The following SLCO5A1 variants were observed in gnomAD, a reference collection of about 807,000 sequenced individuals.
The protein encoded by SLCO5A1 is solute carrier organic anion transporter family member 5A1, also known as organic anion transporter polypeptide-related protein 4.
Under a neutral mutation model 65.1 loss-of-function variants are expected in SLCO5A1, and 39 were observed. That is an observed-to-expected ratio of 0.60 (90% CI 0.46 to 0.78). SLCO5A1 has a LOEUF of 0.78. SLCO5A1 is among the 30% of genes least tolerant of loss of function. SLCO5A1 has a pLI of 0.00. For synonymous variants in SLCO5A1, 438 were observed against 415.7 expected (o/e 1.05, Z -0.65); for missense variants, 1,029 against 1,069.4 (o/e 0.96, Z 0.53).
chr8:69,818,962 T>C (rs1820520194), intron 2 of SLCO5A1, among the ~76,000 whole-genome samples: 1 of 152,198 alleles, frequency 6.6e-6, no homozygotes, highest in Non-Finnish European at 1.5e-5. Flanking sequence ...ATGTTAGTTT[T>C]CAGTGGAGAT....
intron 5 of SLCO5A1, among the ~76,000 whole-genome samples, chr8:69,714,310 G>A (rs1412561808): frequency 6.6e-6 from 1 of 152,232 alleles, no homozygotes; most frequent in Non-Finnish European, 1.5e-5. Flanking sequence ...AAACTTAAAG[G>A]AGGGGTAGCA....
At chr8:69,678,787 A>G (rs1218215735) in intron 8 of SLCO5A1, among the ~76,000 whole-genome samples, 5 of 136,646 alleles carry the variant, frequency 3.7e-5, no homozygotes, top group Non-Finnish European at 7.8e-5. Context: ...AAGAAAGCAC[A>G]GCCTGAAAAA....
rs546095943 is a variant in SLCO5A1 at position 69,758,377 on chromosome 8, A to G, written c.1041-2736T>C. Among the ~76,000 whole-genome samples, 5 of 152,036 alleles carry G rather than the reference A, an allele frequency of 3.3e-5. No individual in the cohort carries two copies. The South Asian group carries it at 1.0e-3, about 32-fold the overall frequency. ...GTTTTGTAGAGAAGTGGGGGGTCTCACTATGTTGCCCAGGTTGGTCTTGAA... is the reference window on the plus strand; with the variant it reads ...GTTTTGTAGAGAAGTGGGGGGTCTCGCTATGTTGCCCAGGTTGGTCTTGAA... On this transcript the variant is annotated intron_variant, in intron 3 of 9. Transcript: ENST00000260126.
chr8:69,733,187 A>T (rs1185382509), intron 5 of SLCO5A1, among the ~76,000 whole-genome samples: 1 of 152,136 alleles, frequency 6.6e-6, no homozygotes, highest in East Asian at 1.9e-4. Context: ...TTATTCTCAG[A>T]CCTATTCAAA....
chr8:69,763,945 A>G (rs1180172482), intron 2 of SLCO5A1, among the ~76,000 whole-genome samples: 1 of 151,914 alleles, frequency 6.6e-6, no homozygotes, highest in Non-Finnish European at 1.5e-5. Flanking sequence ...GCTCACTGCA[A>G]CCTCTGCTGC....
chr8:69,708,628 G>C (rs1815079509), intron 5 of SLCO5A1, among the ~76,000 whole-genome samples: 2 of 151,818 alleles, frequency 1.3e-5, no homozygotes, highest in South Asian at 4.2e-4. Flanking sequence ...AGAGAGGACA[G>C]GCATGGGGCT....
intron 3 of SLCO5A1, among the ~76,000 whole-genome samples, chr8:69,759,863 A>G (rs142010367): frequency 4.6e-5 from 7 of 152,230 alleles, no homozygotes; most frequent in Non-Finnish European, 8.8e-5. Flanking sequence ...AGCCAGGGTT[A>G]TCTCGAACTC....
intron 6 of SLCO5A1, among the ~76,000 whole-genome samples, chr8:69,697,622 TTATAAGAAGG>T (rs1246235524): frequency 6.6e-6 from 1 of 152,056 alleles, no homozygotes; most frequent in Non-Finnish European, 1.5e-5. Context: ...GGCATTAGGA[TTATAAGAAGG>T]CTCCATCCAT....
chr8:69,684,260 C>T (rs1265051331), intron 6 of SLCO5A1, among the ~76,000 whole-genome samples: 1 of 152,172 alleles, frequency 6.6e-6, no homozygotes, highest in East Asian at 1.9e-4. Flanking sequence ...TTGGCAACGT[C>T]AGGAGACAAT....
intron 8 of SLCO5A1, among the ~76,000 whole-genome samples, chr8:69,678,098 A>G (rs892192766): frequency 4.6e-5 from 7 of 152,236 alleles, no homozygotes; most frequent in Non-Finnish European, 1.0e-4. Context: ...CTGTTTCAGT[A>G]CAGACTGAGT....
In SLCO5A1 at chr8:69,832,089, G is replaced by T; in HGVS notation, c.585C>A (p.Pro195=). ...GGAGTCCACCCACGGCCAGCCACAGGGGCCGCCGACCCCGGCCGCCGAAGT... is the reference window on the plus strand; with the variant it reads ...GGAGTCCACCCACGGCCAGCCACAGTGGCCGCCGACCCCGGCCGCCGAAGT... ...VSYFGGRGRR[P]LWLAVGGLLI... Residue 195 remains proline, a synonymous_variant, in exon 2 of 10, where the codon CCC becomes CCA. Coordinates refer to ENST00000260126, the MANE Select transcript of SLCO5A1 (RefSeq NM_030958.3). This position sits in a 1 kb window ranked among gnomAD's most constrained non-coding sequence, Gnocchi z 4.5. 1.2e-6 allele frequency: 2 copies of T among 1,613,784 alleles called. No individual in the cohort carries two copies. Among genetic ancestry groups the T allele is most frequent in the Non-Finnish European group, 1.7e-6 (2 of 1,180,010 alleles).
At chr8:69,756,152 G>A (rs375799595) in intron 3 of SLCO5A1, among the ~76,000 whole-genome samples, 13 of 152,192 alleles carry the variant, frequency 8.5e-5, no homozygotes, top group South Asian at 2.1e-4. Flanking sequence ...AGCTGGGCGC[G>A]GTGACTCACA....
chr8:69,775,624 G>A (rs1194505131), intron 2 of SLCO5A1, among the ~76,000 whole-genome samples: 1 of 152,082 alleles, frequency 6.6e-6, no homozygotes, highest in Non-Finnish European at 1.5e-5. Context: ...AAAAAGTTAA[G>A]GATGAATCCC....
intron 2 of SLCO5A1, among the ~76,000 whole-genome samples, chr8:69,788,992 T>A (rs554136186): frequency 3.0e-4 from 45 of 152,346 alleles, no homozygotes; most frequent in African/African-American, 1.1e-3. Flanking sequence ...CCACACCCTG[T>A]GCTGATTCTT....
intron 4 of SLCO5A1, among the ~76,000 whole-genome samples, chr8:69,752,910 C>T (rs1817380382): frequency 2.0e-5 from 3 of 152,166 alleles, no homozygotes; most frequent in Non-Finnish European, 4.4e-5. Context: ...CTACCCATCA[C>T]CATTCAAGGA....
At chr8:69,790,301 A>G (rs1231778927) in intron 2 of SLCO5A1, among the ~76,000 whole-genome samples, 4 of 151,994 alleles carry the variant, frequency 2.6e-5, no homozygotes, top group African/African-American at 9.7e-5. Context: ...TTCACACTGC[A>G]TGCCTGTACC....
At chr8:69,752,987 G>T (rs1034694428) in intron 4 of SLCO5A1, among the ~76,000 whole-genome samples, 1 of 152,200 alleles carries the variant, frequency 6.6e-6, no homozygotes, top group African/African-American at 2.4e-5. Context: ...AGAAGACAGA[G>T]AAAAGCAACC....
In SLCO5A1 at chr8:69,783,569, G is replaced by A. The variant is rs144787287; in HGVS notation, c.908-21694C>T. 3.1e-3 allele frequency among the ~76,000 whole-genome samples: 467 copies of A among 152,002 alleles called. 3 individuals are homozygous for A. Among genetic ancestry groups the A allele is most frequent in the Middle Eastern group, 0.027 (8 of 294 alleles). Reference sequence around the variant, plus strand: ...GGTATCTTCATAAAAGGATGATGATGATGATGTCAATTTTATGGTTAAGTG... The same window carrying A: ...GGTATCTTCATAAAAGGATGATGATAATGATGTCAATTTTATGGTTAAGTG... On this transcript the variant is annotated intron_variant, in intron 2 of 9. Transcript: ENST00000260126.
chr8:69,766,348 C>T (rs1015695872), intron 2 of SLCO5A1, among the ~76,000 whole-genome samples: 14 of 152,194 alleles, frequency 9.2e-5, no homozygotes, highest in Non-Finnish European at 1.5e-4. Context: ...GCTACAGGGA[C>T]GTGCCGACAC....
Sources: gnomAD v4.1 joint callset for allele counts (sites outside exome capture counted in the v4.1 genomes callset) on GRCh38, gnomAD v4.1.1 for gene constraint, Gnocchi (gnomAD v3.1) non-coding constraint, MANE v1.5 for transcripts, NCBI Gene and HGNC (gene_info 2026-07-23, HGNC 2026-07-21) for gene names.